PCDHGB5: variants seen among roughly 807,000 people sequenced by gnomAD.
PCDHGB5 encodes the protein protocadherin gamma subfamily B, 5, also known as protocadherin gamma-B5.
A neutral mutation model predicts 62.9 loss-of-function variants in PCDHGB5; 48 were observed. The observed-to-expected ratio is 0.76, with a 90% CI of 0.61 to 0.97. PCDHGB5 has a LOEUF of 0.97. Among genes scored for constraint, PCDHGB5 ranks in the 50% least tolerant of loss-of-function variants. PCDHGB5 has a pLI of 0.00. For synonymous variants in PCDHGB5, 474 were observed against 511.2 expected (o/e 0.93, Z 0.98); for missense variants, 1,118 against 1,198.6 (o/e 0.93, Z 0.99).
chr5:141,491,227 C>T lies in PCDHGB5; in HGVS notation c.2398-3580C>T. 6.2e-7 allele frequency: 1 copy of T among 1,614,216 alleles called. No homozygotes were observed. The highest frequency in any genetic ancestry group is 8.5e-7 in the Non-Finnish European group (1 of 1,180,018). On this transcript the variant is annotated intron_variant, in intron 1 of 3. Coordinates refer to ENST00000617380, the MANE Select transcript of PCDHGB5 (RefSeq NM_018925.3). The surrounding 1 kb of genome is among the most constrained non-coding windows in gnomAD (Gnocchi z 6.9). Reference sequence around the variant, plus strand: ...TTCACTCTCCTCCACAGCCACAGTGCTGCTGGTTCTGGAGGATGAGGACCC... The same window carrying T: ...TTCACTCTCCTCCACAGCCACAGTGTTGCTGGTTCTGGAGGATGAGGACCC...
chr5:141,457,495 T>C (rs2098922394), intron 1 of PCDHGB5, among the ~76,000 whole-genome samples: 1 of 152,204 alleles, frequency 6.6e-6, no homozygotes, highest in Admixed American at 6.5e-5. Context: ...GTCTAAAATG[T>C]AGGCAAAAAG....
chr5:141,494,074 C>A (rs2099751716), intron 1 of PCDHGB5, among the ~76,000 whole-genome samples: 1 of 152,180 alleles, frequency 6.6e-6, no homozygotes, highest in Non-Finnish European at 1.5e-5. Context: ...GGATCCCTCC[C>A]CGCTGCATCC....
rs902072815 is a variant in PCDHGB5, at chr5:141,495,024, C to A, written c.2456+159C>A. On this transcript the variant is annotated intron_variant, in intron 2 of 3. Coordinates refer to ENST00000617380, the MANE Select transcript of PCDHGB5 (RefSeq NM_018925.3). ...GGTGTGCGGGGGGCTGGCACACAGACCCCGGAAGGAAGAGGCGACTGCCCT... is the reference window on the plus strand; with the variant it reads ...GGTGTGCGGGGGGCTGGCACACAGAACCCGGAAGGAAGAGGCGACTGCCCT... The A allele has an allele frequency of 1.6e-5, 16 of 973,368 alleles. No homozygotes were observed. In the South Asian group the frequency reaches 5.7e-4, roughly 35 times the overall value. The allele number at this position is 973,368 out of a possible 1,614,324, so 60.3% of individuals were successfully genotyped here. A position where few individuals can be genotyped will look rare whatever the true frequency, so the allele number is the denominator to read the frequency against.
chr5:141,410,835 T>C (rs1360836957), intron 1 of PCDHGB5: 2 of 490,228 alleles, frequency 4.1e-6, no homozygotes, highest in Admixed American at 4.0e-5. Context: ...AGACTGAAGA[T>C]ATTTTGTCTT....
Position 141,432,253 on chromosome 5 carries a change from G to A in PCDHGB5, c.2397+31729G>A, listed in dbSNP as rs1193159615. ...CCCTGGCTGAGAACACCATCCAAGGGGCAAGCCTATCGTCCTACGTGTCCA... is the reference window on the plus strand; with the variant it reads ...CCCTGGCTGAGAACACCATCCAAGGAGCAAGCCTATCGTCCTACGTGTCCA... On this transcript the variant is annotated intron_variant, in intron 1 of 3. Coordinates refer to ENST00000617380, the MANE Select transcript of PCDHGB5 (RefSeq NM_018925.3). The surrounding 1 kb of genome is among the most constrained non-coding windows in gnomAD (Gnocchi z 6.0). 2.5e-6 allele frequency: 4 copies of A among 1,614,086 alleles called. No individual in the cohort carries two copies. Among genetic ancestry groups the A allele is most frequent in the Non-Finnish European group, 3.4e-6 (4 of 1,180,046 alleles).
intron 1 of PCDHGB5, among the ~76,000 whole-genome samples, chr5:141,446,065 G>T (rs1285093512): frequency 2.0e-5 from 3 of 152,306 alleles, no homozygotes; most frequent in African/African-American, 7.2e-5. Flanking sequence ...GATTAAAGGG[G>T]AGGCAGTGGA....
intron 1 of PCDHGB5, among the ~76,000 whole-genome samples, chr5:141,467,486 T>A (rs985186472): frequency 6.6e-6 from 1 of 152,242 alleles, no homozygotes; most frequent in Non-Finnish European, 1.5e-5. Flanking sequence ...GGTTTCCACA[T>A]TTAGATCCCT....
In PCDHGB5 at chr5:141,399,287, C is replaced by G. The variant is rs1393904771; in HGVS notation, c.1160C>G (p.Pro387Arg). 1 of 1,613,912 alleles carries G rather than the reference C, an allele frequency of 6.2e-7. No individual in the cohort carries two copies. The highest frequency in any genetic ancestry group is 8.5e-7 in the Non-Finnish European group (1 of 1,179,850). The change falls in exon 1 of 4, where the codon CCT becomes CGT. Residue 387 changes from proline (P) to arginine (R), a missense_variant. Physicochemically the swap from Pro to Arg is moderately radical, Grantham distance 103. Coordinates refer to ENST00000617380, the MANE Select transcript of PCDHGB5 (RefSeq NM_018925.3). ...EVNCQLQGEV[P>R]FKIISSSKNS... ...AATTGTCAATTACAAGGCGAAGTCC[C>G]TTTTAAGATTATCTCTTCATCCAAA...
At position 141,486,714 on chromosome 5, in the gene PCDHGB5, CAG is replaced by C; in HGVS notation, c.2398-8092_2398-8091del. ...TCTTTCATCTCTCTGAACCCCCAGA[CAG>C]GAGCTGTTCATGCTACTCGATCCTT... On this transcript the variant is annotated intron_variant, in intron 1 of 3. Coordinates refer to ENST00000617380, the MANE Select transcript of PCDHGB5 (RefSeq NM_018925.3). This position sits in a 1 kb window ranked among gnomAD's most constrained non-coding sequence, Gnocchi z 5.0. 1 of 1,614,216 alleles carries C rather than the reference CAG, an allele frequency of 6.2e-7. No homozygotes were observed. Among genetic ancestry groups the C allele is most frequent in the Non-Finnish European group, 8.5e-7 (1 of 1,180,034 alleles).
intron 1 of PCDHGB5, chr5:141,479,325 A>C (rs2099492835): frequency 6.6e-6 from 1 of 152,648 alleles, no homozygotes; most frequent in South Asian, 2.1e-4. Context: ...AGCCAGACTC[A>C]GTGGTGTGCA....
rs377367120 is a variant in PCDHGB5, at chr5:141,431,614, C to A, written c.2397+31090C>A. On this transcript the variant is annotated intron_variant, in intron 1 of 3. Transcript: ENST00000617380. The surrounding 1 kb of genome is among the most constrained non-coding windows in gnomAD (Gnocchi z 4.8). ...TGAGGTATTCCTTCCGGTATGTGGA[C>A]GACAAGGCGGCCCAAGTTTTCAAAC... The A allele has an allele frequency of 8.7e-6, 14 of 1,614,206 alleles. No individual in the cohort carries two copies. In the African/African-American group the frequency reaches 1.6e-4, roughly 18 times the overall value.
Position 141,431,818 on chromosome 5 carries a change from C to T in PCDHGB5, c.2397+31294C>T, listed in dbSNP as rs201311339. On this transcript the variant is annotated intron_variant, in intron 1 of 3. Coordinates refer to ENST00000617380, the MANE Select transcript of PCDHGB5 (RefSeq NM_018925.3). This position sits in a 1 kb window ranked among gnomAD's most constrained non-coding sequence, Gnocchi z 4.8. ...CAGAAGTGGTCCTCACCTCTCTCGCCAGCTCGGTTCCCGAAAACTCTCCCA... is the reference window on the plus strand; with the variant it reads ...CAGAAGTGGTCCTCACCTCTCTCGCTAGCTCGGTTCCCGAAAACTCTCCCA... 130 of 1,614,122 alleles carry T rather than the reference C, an allele frequency of 8.1e-5. No homozygotes were observed. Among genetic ancestry groups the T allele is most frequent in the Non-Finnish European group, 1.0e-4 (121 of 1,180,040 alleles).
intron 1 of PCDHGB5, among the ~76,000 whole-genome samples, chr5:141,470,430 T>C (rs994304635): frequency 6.6e-6 from 1 of 152,232 alleles, no homozygotes; most frequent in Non-Finnish European, 1.5e-5. Flanking sequence ...TTTCCTTGTG[T>C]GCAATAATTT....
chr5:141,459,909 G>A (rs7446907), intron 1 of PCDHGB5, among the ~76,000 whole-genome samples: 42,418 of 152,010 alleles, frequency 0.28, 6,645 homozygotes, highest in African/African-American at 0.43. Flanking sequence ...TGAGCTATGG[G>A]AGTTTTAAAA....
chr5:141,450,413 T>G (rs549247554), intron 1 of PCDHGB5, among the ~76,000 whole-genome samples: 1 of 152,334 alleles, frequency 6.6e-6, no homozygotes, highest in African/African-American at 2.4e-5. Context: ...GCCATTTGTC[T>G]TGTATAATGC....
intron 1 of PCDHGB5, chr5:141,423,468 A>G (rs1474468597): frequency 6.2e-7 from 1 of 1,613,960 alleles, no homozygotes; most frequent in Admixed American, 1.7e-5. Flanking sequence ...TGGACGGGGT[A>G]CAGGCTTTCC....
In PCDHGB5 at chr5:141,477,772, C is replaced by G. The variant is rs760319541; in HGVS notation, c.2398-17035C>G. The G allele has an allele frequency of 1.5e-5, 25 of 1,613,908 alleles. No homozygotes were observed. Among genetic ancestry groups the G allele is most frequent in the Non-Finnish European group, 2.1e-5 (25 of 1,180,042 alleles). On this transcript the variant is annotated intron_variant, in intron 1 of 3. Coordinates refer to ENST00000617380, the MANE Select transcript of PCDHGB5 (RefSeq NM_018925.3). This position sits in a 1 kb window ranked among gnomAD's most constrained non-coding sequence, Gnocchi z 4.9. Reference sequence around the variant, plus strand: ...CCCCGGTCCTAGCCACCAACATCAGCGTGAACATATTTGTCACTGATCGCA... The same window carrying G: ...CCCCGGTCCTAGCCACCAACATCAGGGTGAACATATTTGTCACTGATCGCA...
chr5:141,432,276 C>G lies in PCDHGB5; in HGVS notation c.2397+31752C>G, dbSNP rs747589363. ...GGGGCAAGCCTATCGTCCTACGTGT[C>G]CATCAACTCCGACACTGGGGTACTG... On this transcript the variant is annotated intron_variant, in intron 1 of 3. Transcript: ENST00000617380. The surrounding 1 kb of genome is among the most constrained non-coding windows in gnomAD (Gnocchi z 6.0). 6.2e-7 allele frequency: 1 copy of G among 1,614,236 alleles called. No homozygotes were observed. Among genetic ancestry groups the G allele is most frequent in the Non-Finnish European group, 8.5e-7 (1 of 1,180,044 alleles).
In PCDHGB5 at chr5:141,485,318, G is replaced by A. The variant is rs1318256454; in HGVS notation, c.2398-9489G>A. On this transcript the variant is annotated intron_variant, in intron 1 of 3. Transcript: ENST00000617380. The surrounding 1 kb of genome is among the most constrained non-coding windows in gnomAD (Gnocchi z 5.7). ...GGAAGGGACTTTTGTAGGGAATGTC[G>A]CTCAAGATTTCCTGCTGGATACGGA... 3 of 1,614,142 alleles carry A rather than the reference G, an allele frequency of 1.9e-6. No homozygotes were observed. The highest frequency in any genetic ancestry group is 2.5e-6 in the Non-Finnish European group (3 of 1,180,006).
Sources: gnomAD v4.1 joint callset for allele counts (sites outside exome capture counted in the v4.1 genomes callset) on GRCh38, gnomAD v4.1.1 for gene constraint, Gnocchi (gnomAD v3.1) non-coding constraint, MANE v1.5 for transcripts, NCBI Gene and HGNC (gene_info 2026-07-23, HGNC 2026-07-21) for gene names.